The following FAM53A variants were observed in gnomAD, a reference collection of about 807,000 sequenced individuals.
The protein encoded by FAM53A is family with sequence similarity 53 member A.
FAM53A carries 28 observed loss-of-function variants against 26.6 expected under a neutral mutation model. The ratio of observed to expected loss-of-function variants is 1.05; its 90% CI spans 0.78 to 1.45. The LOEUF is 1.45. Among genes scored for constraint, FAM53A ranks in the 40% most tolerant of loss-of-function variants. The probability of loss-of-function intolerance (pLI) is 0.00; values close to 1 mark genes in which losing one functional copy is unlikely to be tolerated. For missense variants in FAM53A, 650 were observed against 575.8 expected (o/e 1.13, Z -1.32); for synonymous variants, 290 against 253.1 (o/e 1.15, Z -1.38).
chr4:1,683,153 C>A (rs1174520886), intron 1 of FAM53A, among the ~76,000 whole-genome samples: 2 of 152,150 alleles, frequency 1.3e-5, no homozygotes, highest in Non-Finnish European at 2.9e-5. Flanking sequence ...AGTTTTCCTG[C>A]GCTAACTAAC....
At chr4:1,654,292 C>A (rs1713126807) in intron 4 of FAM53A, among the ~76,000 whole-genome samples, 2 of 152,214 alleles carry the variant, frequency 1.3e-5, no homozygotes, top group South Asian at 4.1e-4. Context: ...CCCCAGAGGT[C>A]TCTGGTGAAT....
rs1263108231 is a variant in FAM53A at position 1,655,488 on chromosome 4, C to T, written c.372G>A (p.Leu124=). ...AGCGCACAAGCTCCTCGGGTTCTGA[C>T]AAGGACCGGCAATGCCGCTTGGTCG... is the stretch of plus-strand genomic sequence containing the variant. The part of the protein sequence containing the change: ...APPTKRHCRS[L]SEPEELVRCR... The change falls in exon 4 of 5, where the codon TTG becomes TTA. Residue 124 remains leucine, a synonymous_variant. Transcript: ENST00000308132. 2 of 1,574,546 alleles carry T rather than the reference C, an allele frequency of 1.3e-6. No homozygotes were observed. The highest frequency in any genetic ancestry group is 1.7e-6 in the Non-Finnish European group (2 of 1,159,000).
chr4:1,652,229 T>C (rs1369159100), intron 4 of FAM53A, among the ~76,000 whole-genome samples: 2 of 106,366 alleles, frequency 1.9e-5, no homozygotes, highest in African/African-American at 4.1e-5. Flanking sequence ...CCACACACAC[T>C]AGTCGCACAC....
At chr4:1,605,771 C>T in the FAM53A span, among the ~76,000 whole-genome samples, 8 of 151,992 alleles carry the variant, frequency 5.3e-5, no homozygotes, top group Admixed American at 4.6e-4. This position sits in a 1 kb window ranked among gnomAD's most constrained non-coding sequence, Gnocchi z 5.7. Context: ...AACCCTGGGG[C>T]GGGCACAGCT....
chr4:1,588,482 T>C, the FAM53A span, among the ~76,000 whole-genome samples: 1 of 152,190 alleles, frequency 6.6e-6, no homozygotes, highest in Admixed American at 6.5e-5. Flanking sequence ...CCTTACTTGC[T>C]GGCTTCCAGG....
intron 1 of FAM53A, among the ~76,000 whole-genome samples, chr4:1,675,959 G>A (rs1431086274): frequency 2.0e-5 from 3 of 152,236 alleles, no homozygotes; most frequent in African/African-American, 2.4e-5. Flanking sequence ...ACGGGACAGC[G>A]GCAAAATGCC....
Position 1,640,465 on chromosome 4 carries a change from G to C in FAM53A, c.*828C>G, listed in dbSNP as rs547748628. 1 of 294,914 alleles carries C rather than the reference G, an allele frequency of 3.4e-6. No individual in the cohort carries two copies. Among genetic ancestry groups the C allele is most frequent in the East Asian group, 1.5e-4 (1 of 6,462 alleles). 18.3% of individuals were successfully genotyped at this position (294,914 alleles called of 1,614,324 possible). A position where few individuals can be genotyped will look rare whatever the true frequency, so the allele number is the denominator to read the frequency against. Reference sequence around the variant, plus strand: ...GGGGAACACAGACGCATGTTAATCTGTTTGCAGATTCATGTTTAATAGAAC... The same window carrying C: ...GGGGAACACAGACGCATGTTAATCTCTTTGCAGATTCATGTTTAATAGAAC... On this transcript the variant is annotated 3_prime_UTR_variant, in exon 5 of 5. Coordinates refer to ENST00000308132, the MANE Select transcript of FAM53A (RefSeq NM_001174070.3).
the FAM53A span, among the ~76,000 whole-genome samples, chr4:1,593,607 G>A: frequency 6.6e-6 from 1 of 152,156 alleles, no homozygotes; most frequent in East Asian, 1.9e-4. Flanking sequence ...ACGCTCGTCT[G>A]GACCAGCCAG....
At chr4:1,684,059 G>T (rs1336916885) in intron 1 of FAM53A, 174 bp downstream of exon 1, 1 of 152,162 alleles carries the variant, frequency 6.6e-6, no homozygotes, top group East Asian at 1.9e-4. Flanking sequence ...CGGCGCAGAC[G>T]GCGGAGGCAG....
chr4:1,665,737 AG>A (rs935645775), intron 2 of FAM53A, among the ~76,000 whole-genome samples: 13 of 152,224 alleles, frequency 8.5e-5, no homozygotes, highest in African/African-American at 3.1e-4. Context: ...TAGGGCTCCC[AG>A]GGCTCCTGTC....
chr4:1,594,909 C>T, the FAM53A span, among the ~76,000 whole-genome samples: 4 of 152,192 alleles, frequency 2.6e-5, no homozygotes, highest in Non-Finnish European at 4.4e-5. Context: ...TATACATTGC[C>T]GCCAGGAAGG....
Position 1,630,379 on chromosome 4 carries a change from C to G in FAM53A, c.432-12268G>C, listed in dbSNP as rs1317717590. Among the ~76,000 whole-genome samples, 3 of 152,234 alleles carry G rather than the reference C, an allele frequency of 2.0e-5. No individual in the cohort carries two copies. Among genetic ancestry groups the G allele is most frequent in the Non-Finnish European group, 4.4e-5 (3 of 68,042 alleles). ...CAGCCGAAACAGCCACAGCCAAGGT[C>G]TACACAAATGCACGTCGGGGAGTTC... is the stretch of plus-strand genomic sequence containing the variant. On this transcript the variant is annotated intron_variant, in intron 1 of 1. Transcript: ENST00000489029. The surrounding 1 kb of genome is among the most constrained non-coding windows in gnomAD (Gnocchi z 4.3).
At chr4:1,603,099 G>A in the FAM53A span, among the ~76,000 whole-genome samples, 15 of 152,348 alleles carry the variant, frequency 9.8e-5, no homozygotes, top group East Asian at 2.1e-3. Context: ...CCAGTGCGGC[G>A]GCTCCTGCTC....
intron 1 of FAM53A, chr4:1,683,719 G>GGAA (rs1715614487): frequency 6.6e-6 from 1 of 152,258 alleles, no homozygotes; most frequent in Non-Finnish European, 1.5e-5. Flanking sequence ...AGGCTGCGTG[G>GGAA]GAAACAGGGG....
At chr4:1,637,967 C>T (rs1182127144), downstream of FAM53A, among the ~76,000 whole-genome samples, 1 of 151,722 alleles carries the variant, frequency 6.6e-6, no homozygotes, top group African/African-American at 2.4e-5. Context: ...CCTGGGACCC[C>T]CTGCCTGTGG....
intron 2 of FAM53A, among the ~76,000 whole-genome samples, chr4:1,662,572 C>A (rs1713919154): frequency 6.7e-6 from 1 of 149,500 alleles, no homozygotes; most frequent in African/African-American, 2.5e-5. Flanking sequence ...ATCACTTGAG[C>A]CCAGGAGGTC....
chr4:1,647,260 G>C (rs1712327689), intron 4 of FAM53A, among the ~76,000 whole-genome samples: 1 of 152,008 alleles, frequency 6.6e-6, no homozygotes, highest in African/African-American at 2.4e-5. Context: ...GCTTGAACCT[G>C]GGAGGCAGAG....
chr4:1,641,493 T>A lies in FAM53A; in HGVS notation c.997A>T (p.Ile333Phe). 1 of 1,614,186 alleles carries A rather than the reference T, an allele frequency of 6.2e-7. No individual in the cohort carries two copies. The highest frequency in any genetic ancestry group is 1.1e-5 in the South Asian group (1 of 91,086). ...CTCTGGCTGCAGCCAGGCATGGTGA[T>A]GCCAGGGAGGCCCCGGGAGTCACAT... ...SPCDSRGLPG[I>F]TMPGCSQRGL... is the part of the protein sequence containing the mutation. Residue 333 changes from isoleucine to phenylalanine, a missense_variant, in exon 5 of 5, where the codon ATC becomes TTC. Transcript: ENST00000308132.
In FAM53A at chr4:1,627,361, G is replaced by A. The variant is rs1393607193; in HGVS notation, c.432-9250C>T. Among the ~76,000 whole-genome samples, 8 of 152,232 alleles carry A rather than the reference G, an allele frequency of 5.3e-5. No homozygotes were observed. In the East Asian group the frequency reaches 1.3e-3, roughly 26 times the overall value. On this transcript the variant is annotated intron_variant, in intron 1 of 1. Coordinates refer to the FAM53A transcript ENST00000489029. ...GAGTAGCTCACGCCCTCGGGTGACA[G>A]AGCAGCCGTGAACTGCCGACTGACG...
Sources: allele counts gnomAD v4.1 joint callset (sites outside exome capture counted in the v4.1 genomes callset), GRCh38; gene constraint gnomAD v4.1.1; non-coding constraint Gnocchi (gnomAD v3.1); transcripts MANE v1.5; gene names NCBI Gene and HGNC (gene_info 2026-07-23, HGNC 2026-07-21).